Variants in PDE10A observed in about 807,000 individuals in gnomAD.
PDE10A encodes the protein cAMP and cAMP-inhibited cGMP 3',5'-cyclic phosphodiesterase 10A.
PDE10A carries 39 observed loss-of-function variants against 97.7 expected under a neutral mutation model. That is an observed-to-expected ratio of 0.40 (90% CI 0.31 to 0.52). The LOEUF is 0.52. Among genes scored for constraint, PDE10A ranks in the 20% least tolerant of loss-of-function variants. PDE10A has a pLI of 0.56. For missense variants in PDE10A, 731 were observed against 1,047.8 expected (o/e 0.70, Z 4.17); for synonymous variants, 371 against 376.8 (o/e 0.98, Z 0.18).
intron 1 of PDE10A, among the ~76,000 whole-genome samples, chr6:165,953,881 T>C (rs762933620): frequency 6.6e-6 from 1 of 152,192 alleles, no homozygotes; most frequent in Non-Finnish European, 1.5e-5. Context: ...GCAAAATGGT[T>C]GCATTGTCCT....
intron 1 of PDE10A, among the ~76,000 whole-genome samples, chr6:165,690,535 A>G (rs1465613797): frequency 1.3e-5 from 2 of 151,852 alleles, no homozygotes; most frequent in African/African-American, 4.8e-5. Flanking sequence ...CTTGCTCAAA[A>G]CCCTGCAATG....
chr6:165,714,804 C>T (rs1326564145), intron 1 of PDE10A, among the ~76,000 whole-genome samples: 1 of 152,240 alleles, frequency 6.6e-6, no homozygotes, highest in East Asian at 1.9e-4. Flanking sequence ...GTTCAGTGGA[C>T]AAAGTGGTGG....
At chr6:165,585,866 G>C (rs1359164571) in intron 1 of PDE10A, among the ~76,000 whole-genome samples, 1 of 152,150 alleles carries the variant, frequency 6.6e-6, no homozygotes, top group East Asian at 1.9e-4. Context: ...AGAGGCATGA[G>C]AGTGAGGCAG....
intron 1 of PDE10A, among the ~76,000 whole-genome samples, chr6:165,846,777 G>C (rs886146324): frequency 2.0e-5 from 3 of 152,230 alleles, no homozygotes; most frequent in Non-Finnish European, 2.9e-5. Flanking sequence ...AGCCCTGTGG[G>C]AGTGAAGCCG....
chr6:165,442,268 T>A (rs1458296024), intron 5 of PDE10A, among the ~76,000 whole-genome samples: 1 of 152,136 alleles, frequency 6.6e-6, no homozygotes, highest in African/African-American at 2.4e-5. Flanking sequence ...GCATTAGGTA[T>A]ATCTCCTAAT....
chr6:165,679,798 G>C (rs995758196), intron 1 of PDE10A, among the ~76,000 whole-genome samples: 2 of 152,210 alleles, frequency 1.3e-5, no homozygotes, highest in African/African-American at 4.8e-5. Flanking sequence ...GTGGGGAGAA[G>C]AGTGTGAAAA....
At chr6:165,490,876 A>G (rs1371017703) in intron 2 of PDE10A, among the ~76,000 whole-genome samples, 1 of 152,124 alleles carries the variant, frequency 6.6e-6, no homozygotes, top group African/African-American at 2.4e-5. Flanking sequence ...AATTCCTTGA[A>G]CCTGGGAAGT....
chr6:165,406,228 A>ATGTGTCTGTGTGTGTG (rs1787142132), intron 13 of PDE10A, among the ~76,000 whole-genome samples: 1 of 140,424 alleles, frequency 7.1e-6, no homozygotes, highest in Admixed American at 7.1e-5. Flanking sequence ...AGGGAAAAGG[A>ATGTGTCTGTGTGTGTG]TGTGTGTGTG....
In PDE10A at chr6:165,430,346, C is replaced by T; in HGVS notation, c.1543-1G>A. On this transcript the variant is annotated splice_acceptor_variant, in intron 8 of 21. Transcript: ENST00000539869. LOFTEE classifies it high-confidence loss of function. ...TCTGTTTGGCAAGGCCTCTGCATAC[C>T]TACCATATAAAATAATAGGTACAAT... The T allele has an allele frequency of 6.3e-7, 1 of 1,581,442 alleles. No individual in the cohort carries two copies. The highest frequency in any genetic ancestry group is 8.7e-7 in the Non-Finnish European group (1 of 1,153,328).
At chr6:165,471,157 C>T (rs1583350135) in intron 3 of PDE10A, among the ~76,000 whole-genome samples, 1 of 152,200 alleles carries the variant, frequency 6.6e-6, no homozygotes, top group African/African-American at 2.4e-5. Context: ...AACTCCAGCA[C>T]CATTTGACAT....
Position 165,386,536 on chromosome 6 carries a change from G to A in PDE10A, c.2610+1762C>T, listed in dbSNP as rs80113920. Among the ~76,000 whole-genome samples the A allele has an allele frequency of 8.6e-3, 1,303 of 152,134 alleles. 14 individuals are homozygous for A. The highest frequency in any genetic ancestry group is 0.027 in the African/African-American group (1,138 of 41,468). On this transcript the variant is annotated intron_variant, in intron 17 of 21. Transcript: ENST00000539869. ...AAGTCATCCTGATGTTGTTTCTGGCGTTTATTCTTCTTAAACAAACAAATA... is the reference window on the plus strand; with the variant it reads ...AAGTCATCCTGATGTTGTTTCTGGCATTTATTCTTCTTAAACAAACAAATA...
rs529050177 is a variant in PDE10A, at chr6:165,758,616, CAGAAGAAGAGGA to C, written c.-614-215060_-614-215049del. 6.6e-4 allele frequency among the ~76,000 whole-genome samples: 95 copies of C among 144,174 alleles called. No homozygotes were observed. The South Asian group carries it at 8.0e-3, about 12-fold the overall frequency. 94.6% of individuals were successfully genotyped at this position (144,174 alleles called of 152,430 possible). A position where few individuals can be genotyped will look rare whatever the true frequency, so the allele number is the denominator to read the frequency against. On this transcript the variant is annotated intron_variant, in intron 1 of 19. Transcript: ENST00000366882. ...AAAGAGGCAGCAGCAGAAGAAGCAG[CAGAAGAAGAGGA>C]AGAAGAAGAGGAAGAAGGAAGAGGA... is the stretch of plus-strand genomic sequence containing the variant.
intron 1 of PDE10A, among the ~76,000 whole-genome samples, chr6:165,963,505 T>C (rs761980165): frequency 1.3e-5 from 2 of 152,212 alleles, no homozygotes; most frequent in Non-Finnish European, 2.9e-5. Flanking sequence ...TTGTTTAACA[T>C]CTTTGGATCA....
At chr6:165,647,058 T>C (rs1353096804) in intron 1 of PDE10A, among the ~76,000 whole-genome samples, 1 of 152,226 alleles carries the variant, frequency 6.6e-6, no homozygotes, top group Non-Finnish European at 1.5e-5. Flanking sequence ...TTGCTCATGA[T>C]GGGCACATTC....
At chr6:165,983,666 G>T (rs992390193) in intron 1 of PDE10A, among the ~76,000 whole-genome samples, 1 of 152,082 alleles carries the variant, frequency 6.6e-6, no homozygotes, top group Non-Finnish European at 1.5e-5. Context: ...CAAGTTGTTG[G>T]CACTTAAAAG....
intron 6 of PDE10A, among the ~76,000 whole-genome samples, chr6:165,433,982 A>C (rs577571770): frequency 7.3e-6 from 1 of 136,874 alleles, no homozygotes; most frequent in Non-Finnish European, 1.5e-5. Context: ...AAGCCACTGC[A>C]CTCCAGCCTG....
At position 165,562,789 on chromosome 6, in the gene PDE10A, A is replaced by G. The variant is rs182073633; in HGVS notation, c.866-19221T>C. 1.4e-4 allele frequency among the ~76,000 whole-genome samples: 21 copies of G among 152,306 alleles called. No individual in the cohort carries two copies. In the East Asian group the frequency reaches 2.1e-3, roughly 15 times the overall value. On this transcript the variant is annotated intron_variant, in intron 1 of 21. Transcript: ENST00000539869. Reference sequence around the variant, plus strand: ...CCTGGCACGTAGTAAAATTTAAATCATAAGTTCTCAGCTGGGAGAATCTTT... The same window carrying G: ...CCTGGCACGTAGTAAAATTTAAATCGTAAGTTCTCAGCTGGGAGAATCTTT...
chr6:165,758,029 C>A (rs1327373569), intron 1 of PDE10A, among the ~76,000 whole-genome samples: 1 of 152,170 alleles, frequency 6.6e-6, no homozygotes, highest in East Asian at 1.9e-4. Flanking sequence ...TGTATTATTT[C>A]TTTGATGAAC....
chr6:165,741,216 T>C (rs1398168463), intron 1 of PDE10A, among the ~76,000 whole-genome samples: 2 of 152,192 alleles, frequency 1.3e-5, no homozygotes, highest in Non-Finnish European at 2.9e-5. Context: ...TATGTACGTA[T>C]ACCAAAACAT....
Sources: gnomAD v4.1 joint callset for allele counts (sites outside exome capture counted in the v4.1 genomes callset) on GRCh38, gnomAD v4.1.1 for gene constraint, MANE v1.5 for transcripts, NCBI Gene and HGNC (gene_info 2026-07-23, HGNC 2026-07-21) for gene names.